Variants in FAM222A observed in about 807,000 individuals in gnomAD.
FAM222A encodes the protein protein FAM222A.
Under a neutral mutation model 25.8 loss-of-function variants are expected in FAM222A, and 7 were observed. The ratio of observed to expected loss-of-function variants is 0.27; its 90% CI spans 0.15 to 0.51. The LOEUF (loss-of-function observed/expected upper bound fraction) is 0.51. Among genes scored for constraint, FAM222A ranks in the 20% least tolerant of loss-of-function variants. The pLI is 0.97. For synonymous variants in FAM222A, 294 were observed against 298.8 expected (o/e 0.98, Z 0.17); for missense variants, 573 against 640.5 (o/e 0.89, Z 1.14).
In FAM222A at chr12:109,768,595, C is replaced by T; in HGVS notation, c.666C>T (p.Gly222=). ...APGAAPPACQ[G]MAIPHPSPAK... ...GCGCCGCACCCCCTGCCTGCCAGGG[C>T]ATGGCTATTCCCCATCCCAGCCCTG... Residue 222 remains glycine, a synonymous_variant, in exon 3 of 3, where the codon GGC becomes GGT. Transcript: ENST00000538780. The T allele has an allele frequency of 6.2e-7, 1 of 1,604,142 alleles. No individual in the cohort carries two copies. Among genetic ancestry groups the T allele is most frequent in the Non-Finnish European group, 8.5e-7 (1 of 1,178,642 alleles).
chr12:109,720,037 G>C, intron 1 of FAM222A: 1 of 951,432 alleles, frequency 1.1e-6, no homozygotes, highest in Non-Finnish European at 1.3e-6. Context: ...GCTTTCTCAT[G>C]GGCTTGTGGG....
intron 1 of FAM222A, among the ~76,000 whole-genome samples, chr12:109,726,562 G>A (rs557709090): frequency 6.6e-6 from 1 of 152,352 alleles, no homozygotes; most frequent in Non-Finnish European, 1.5e-5. Context: ...ATGTCTACAG[G>A]TCCCAGCACG....
rs1384907129 is a variant in FAM222A at position 109,713,921 on chromosome 12, G to C, written c.-1023G>C. ...CCGGGGGAGGCGGACAGCCGGGCCCGGCGCCTGTGGGGCGCGGCGCGCGGC... is the reference window on the plus strand; with the variant it reads ...CCGGGGGAGGCGGACAGCCGGGCCCCGCGCCTGTGGGGCGCGGCGCGCGGC... On this transcript the variant is annotated 5_prime_UTR_variant, in exon 1 of 3. Coordinates refer to ENST00000538780, the MANE Select transcript of FAM222A (RefSeq NM_032829.3). 1.4e-5 allele frequency among the ~76,000 whole-genome samples: 2 copies of C among 146,270 alleles called. No homozygotes were observed. Among genetic ancestry groups the C allele is most frequent in the South Asian group, 2.1e-4 (1 of 4,744 alleles).
At chr12:109,741,114 G>A (rs1298541565) in intron 1 of FAM222A, among the ~76,000 whole-genome samples, 1 of 152,200 alleles carries the variant, frequency 6.6e-6, no homozygotes, top group East Asian at 1.9e-4. Flanking sequence ...CGTCTTGGTT[G>A]CAGATGATGG....
At position 109,769,021 on chromosome 12, in the gene FAM222A, G is replaced by A. The variant is rs371399526; in HGVS notation, c.1092G>A (p.Ala364=). The A allele has an allele frequency of 1.4e-5, 22 of 1,580,526 alleles. No homozygotes were observed. Among genetic ancestry groups the A allele is most frequent in the Middle Eastern group, 1.7e-4 (1 of 6,052 alleles). Residue 364 remains alanine, a synonymous_variant, in exon 3 of 3, where the codon GCG becomes GCA. Transcript: ENST00000538780. The stretch of plus-strand genomic sequence containing the variant: ...CCACCAGCGACTGCTACAACCCAGC[G>A]GCGGCGGTGGTGGTCACGGAGCTGG... The part of the protein sequence containing the change: ...VTPTSDCYNP[A]AAVVVTELGP...
At chr12:109,740,160 C>T (rs1029333724) in intron 1 of FAM222A, among the ~76,000 whole-genome samples, 31 of 152,220 alleles carry the variant, frequency 2.0e-4, no homozygotes, top group African/African-American at 7.0e-4. Flanking sequence ...CTCCTCGGAC[C>T]TGAAAAGTTC....
At chr12:109,745,239 A>G (rs1485347381) in intron 2 of FAM222A, among the ~76,000 whole-genome samples, 2 of 152,212 alleles carry the variant, frequency 1.3e-5, no homozygotes, top group African/African-American at 4.8e-5. Flanking sequence ...TTTACACACT[A>G]TCCTGCATCT....
rs954687219 is a variant in FAM222A at position 109,770,366 on chromosome 12, C to G, written c.*1078C>G. 1 of 152,616 alleles carries G rather than the reference C, an allele frequency of 6.6e-6. No individual in the cohort carries two copies. Among genetic ancestry groups the G allele is most frequent in the African/African-American group, 2.4e-5 (1 of 41,432 alleles). 9.5% of individuals were successfully genotyped at this position (152,616 alleles called of 1,614,324 possible). A position where few individuals can be genotyped will look rare whatever the true frequency, so the allele number is the denominator to read the frequency against. ...TCTCTCTCCAAGGCCTGGTCAAGCA[C>G]TAAGTGCATTTACAAATCTCTGAGA... On this transcript the variant is annotated 3_prime_UTR_variant, in exon 3 of 3. Transcript: ENST00000538780.
Position 109,763,960 on chromosome 12 carries a change from A to C in FAM222A, c.83-4052A>C, listed in dbSNP as rs111335607. 3.6e-3 allele frequency among the ~76,000 whole-genome samples: 548 copies of C among 152,138 alleles called. 6 individuals are homozygous for C. The highest frequency in any genetic ancestry group is 0.012 in the African/African-American group (518 of 41,504). On this transcript the variant is annotated intron_variant, in intron 2 of 2. Transcript: ENST00000538780. ...GGAGGCTGGGTGCCGTGGCATCTCA[A>C]AGTGCTGACCTGTAATCCCAGCACT...
chr12:109,767,955 TGGG>T, intron 2 of FAM222A, 54 bp from the exon 3 acceptor site: 1 of 1,549,102 alleles, frequency 6.5e-7, no homozygotes, highest in Non-Finnish European at 8.8e-7. Context: ...GTGAGCCCTG[TGGG>T]GAGAGGTTGG....
intron 1 of FAM222A, among the ~76,000 whole-genome samples, chr12:109,731,565 C>T (rs771290723): frequency 6.6e-6 from 1 of 152,160 alleles, no homozygotes; most frequent in Non-Finnish European, 1.5e-5. Context: ...AGTTGCTGCT[C>T]GATGAAGCCA....
intron 1 of FAM222A, among the ~76,000 whole-genome samples, chr12:109,741,012 G>A (rs1045709064): frequency 1.3e-5 from 2 of 152,232 alleles, no homozygotes; most frequent in Non-Finnish European, 2.9e-5. Flanking sequence ...GGGCCAGGGG[G>A]AGCCAAGAGG....
chr12:109,726,379 A>G (rs1392543034), intron 1 of FAM222A, among the ~76,000 whole-genome samples: 1 of 152,118 alleles, frequency 6.6e-6, no homozygotes, highest in African/African-American at 2.4e-5. Context: ...TGGTTGCTGC[A>G]CAGACCCTGT....
chr12:109,744,194 G>A lies in FAM222A; in HGVS notation c.48G>A (p.Leu16=), dbSNP rs1450615399. The change falls in exon 2 of 3, where the codon CTG becomes CTA. Residue 16 remains leucine, a synonymous_variant. Coordinates refer to ENST00000538780, the MANE Select transcript of FAM222A (RefSeq NM_032829.3). ...QRTQNAPGQH[L]ACPSKSLELR... ...CCCAGAACGCCCCGGGCCAACACCT[G>A]GCCTGCCCGAGCAAGAGCCTGGAGC... The A allele has an allele frequency of 1.2e-6, 2 of 1,613,406 alleles. No individual in the cohort carries two copies. Among genetic ancestry groups the A allele is most frequent in the Non-Finnish European group, 1.7e-6 (2 of 1,179,982 alleles).
intron 1 of FAM222A, among the ~76,000 whole-genome samples, chr12:109,721,685 G>A (rs1023285347): frequency 6.6e-6 from 1 of 152,182 alleles, no homozygotes; most frequent in African/African-American, 2.4e-5. Context: ...GTGTATCCAG[G>A]TTGTTCTTAA....
chr12:109,732,221 C>T (rs538350594), intron 1 of FAM222A, among the ~76,000 whole-genome samples: 15 of 152,266 alleles, frequency 9.9e-5, no homozygotes, highest in South Asian at 8.3e-4. Context: ...GACTGAGTGC[C>T]GGGTGGGAGG....
chr12:109,726,994 C>T (rs941485838), intron 1 of FAM222A, among the ~76,000 whole-genome samples: 6 of 152,302 alleles, frequency 3.9e-5, no homozygotes, highest in Admixed American at 2.6e-4. Flanking sequence ...CCAAGCTGAC[C>T]CAAGGTGGCC....
At chr12:109,724,098 C>T (rs1887798874) in intron 1 of FAM222A, among the ~76,000 whole-genome samples, 1 of 152,196 alleles carries the variant, frequency 6.6e-6, no homozygotes, top group South Asian at 2.1e-4. Flanking sequence ...GAGAGAATTC[C>T]AGGGGACCCA....
intron 2 of FAM222A, among the ~76,000 whole-genome samples, chr12:109,760,015 C>A (rs1888847281): frequency 6.6e-6 from 1 of 152,174 alleles, no homozygotes; most frequent in Non-Finnish European, 1.5e-5. Context: ...TTGGCTGAGA[C>A]CTGAGGGTCA....
Sources: allele counts gnomAD v4.1 joint callset (sites outside exome capture counted in the v4.1 genomes callset), GRCh38; gene constraint gnomAD v4.1.1; transcripts MANE v1.5; gene names NCBI Gene and HGNC (gene_info 2026-07-23, HGNC 2026-07-21).